The following PCDH9 variants were observed in gnomAD, a reference collection of about 807,000 sequenced individuals.
PCDH9 encodes protocadherin-9.
A neutral mutation model predicts 70.6 loss-of-function variants in PCDH9; 24 were observed. The observed-to-expected ratio is 0.34, with a 90% CI of 0.25 to 0.48. The LOEUF (loss-of-function observed/expected upper bound fraction) is 0.48. Ranked by LOEUF, PCDH9 falls within the 20% of genes least tolerant of loss-of-function variation. The pLI is 0.99. For missense variants in PCDH9, 1,281 were observed against 1,503.6 expected (o/e 0.85, Z 2.45); for synonymous variants, 562 against 558.5 (o/e 1.01, Z -0.09).
chr13:66,650,904 T>A (rs2077842165), intron 3 of PCDH9, among the ~76,000 whole-genome samples: 1 of 151,906 alleles, frequency 6.6e-6, no homozygotes, highest in South Asian at 2.1e-4. Flanking sequence ...TACAAATACA[T>A]GAAAATTAAA....
At chr13:66,919,914 C>T (rs1036429745) in intron 2 of PCDH9, among the ~76,000 whole-genome samples, 1 of 151,000 alleles carries the variant, frequency 6.6e-6, no homozygotes, top group African/African-American at 2.4e-5. Context: ...GGTTTTTAAA[C>T]TATCCTGATG....
At chr13:66,562,780 A>G (rs957648405) in intron 4 of PCDH9, among the ~76,000 whole-genome samples, 2 of 152,112 alleles carry the variant, frequency 1.3e-5, no homozygotes, top group African/African-American at 4.8e-5. Context: ...TGCCTTGAGT[A>G]AGTGGATGGA....
intron 4 of PCDH9, among the ~76,000 whole-genome samples, chr13:66,335,250 A>G (rs1318358018): frequency 6.6e-6 from 1 of 152,146 alleles, no homozygotes; most frequent in Non-Finnish European, 1.5e-5. Flanking sequence ...ACGCTGAAGT[A>G]CAACATTTCT....
chr13:66,511,906 C>A (rs1959491837), intron 4 of PCDH9, among the ~76,000 whole-genome samples: 1 of 152,064 alleles, frequency 6.6e-6, no homozygotes. Context: ...AACTTCTTTT[C>A]TTTATAAATT....
At chr13:66,879,653 T>C (rs1447826377) in intron 3 of PCDH9, among the ~76,000 whole-genome samples, 3 of 152,204 alleles carry the variant, frequency 2.0e-5, no homozygotes, top group Non-Finnish European at 2.9e-5. Flanking sequence ...ACCTTGTTCA[T>C]GTTAAAAATA....
At chr13:66,806,858 C>T (rs1196484996) in intron 3 of PCDH9, among the ~76,000 whole-genome samples, 2 of 152,072 alleles carry the variant, frequency 1.3e-5, no homozygotes, top group Non-Finnish European at 2.9e-5. Flanking sequence ...TAAATAGTAG[C>T]AATTGTTTTG....
chr13:66,730,876 G>GTGTGTTTTTTT (rs1555262846), intron 3 of PCDH9, among the ~76,000 whole-genome samples: 3 of 46,358 alleles, frequency 6.5e-5, no homozygotes, highest in African/African-American at 2.3e-4. Context: ...GTGTGTGTGT[G>GTGTGTTTTTTT]TTTTTTTTTT....
At chr13:67,000,384 T>C (rs1485897890) in intron 2 of PCDH9, among the ~76,000 whole-genome samples, 1 of 150,038 alleles carries the variant, frequency 6.7e-6, no homozygotes, top group Non-Finnish European at 1.5e-5. Context: ...TAATGCTAAA[T>C]GACGAGTTAA....
At chr13:67,059,036 T>A (rs1275378493) in intron 2 of PCDH9, among the ~76,000 whole-genome samples, 1 of 151,956 alleles carries the variant, frequency 6.6e-6, no homozygotes. Context: ...TACATAGCTG[T>A]TCCCTGGGAG....
intron 2 of PCDH9, among the ~76,000 whole-genome samples, chr13:67,027,538 C>T (rs1347963416): frequency 4.0e-5 from 6 of 151,594 alleles, no homozygotes; most frequent in African/African-American, 9.7e-5. Flanking sequence ...ACACCAAAAG[C>T]AATGGCAACA....
chr13:67,226,370 C>CT lies in PCDH9; in HGVS notation c.2070dup (p.Ala691SerfsTer16). ...TCTGCTACCACGGAGCCAGGAATGGCTGAGAGGGGCACCAACTTAAAGGAA... is the reference window on the plus strand; with the variant it reads ...TCTGCTACCACGGAGCCAGGAATGGCTTGAGAGGGGCACCAACTTAAAGGAA... On this transcript the variant is annotated frameshift_variant, in exon 2 of 5. Coordinates refer to ENST00000377865, the MANE Select transcript of PCDH9 (RefSeq NM_203487.3). LOFTEE classifies it high-confidence loss of function. The surrounding 1 kb of genome is among the most constrained non-coding windows in gnomAD (Gnocchi z 5.0). 1 of 1,614,184 alleles carries CT rather than the reference C, an allele frequency of 6.2e-7. No homozygotes were observed. Among genetic ancestry groups the CT allele is most frequent in the Non-Finnish European group, 8.5e-7 (1 of 1,180,028 alleles).
chr13:66,422,167 TAGAGACTTACAA>T (rs1957579161), intron 4 of PCDH9, among the ~76,000 whole-genome samples: 1 of 152,132 alleles, frequency 6.6e-6, no homozygotes, highest in African/African-American at 2.4e-5. Context: ...AGCAAGTTCT[TAGAGACTTACAA>T]AGAGACTTAG....
rs1168242175 is a variant in PCDH9 at position 66,393,407 on chromosome 13, AG to A, written c.3341-88380del. Among the ~76,000 whole-genome samples the A allele has an allele frequency of 2.6e-5, 4 of 152,172 alleles. No individual in the cohort carries two copies. In the East Asian group the frequency reaches 7.7e-4, roughly 29 times the overall value. On this transcript the variant is annotated intron_variant, in intron 4 of 4. Coordinates refer to ENST00000377865, the MANE Select transcript of PCDH9 (RefSeq NM_203487.3). ...AGCTGAGTTGGCACTGTTTCTTCAAAGCTCTACAGGGAAAGAAGCTGGCACA... is the reference window on the plus strand; with the variant it reads ...AGCTGAGTTGGCACTGTTTCTTCAAACTCTACAGGGAAAGAAGCTGGCACA...
rs113676014 is a variant in PCDH9 at position 66,855,827 on chromosome 13, A to C, written c.3138+47677T>G. On this transcript the variant is annotated intron_variant, in intron 3 of 4. Transcript: ENST00000377865. Reference sequence around the variant, plus strand: ...TGTTGGTATTTATATATGAATAAACATAAAAAACTCATATACTATCTACTT... The same window carrying C: ...TGTTGGTATTTATATATGAATAAACCTAAAAAACTCATATACTATCTACTT... 5.3e-5 allele frequency among the ~76,000 whole-genome samples: 8 copies of C among 152,112 alleles called. 2 individuals carry two copies. The highest frequency in any genetic ancestry group is 1.9e-4 in the African/African-American group (8 of 41,560).
At chr13:66,647,674 G>C (rs1260951637) in intron 3 of PCDH9, among the ~76,000 whole-genome samples, 1 of 152,120 alleles carries the variant, frequency 6.6e-6, no homozygotes, top group African/African-American at 2.4e-5. Flanking sequence ...GAAGGTGGGA[G>C]AGAAGAGTAA....
At chr13:66,495,916 G>A (rs557128714) in intron 4 of PCDH9, among the ~76,000 whole-genome samples, 5 of 152,150 alleles carry the variant, frequency 3.3e-5, no homozygotes, top group Non-Finnish European at 7.3e-5. Context: ...TTGTGACTGA[G>A]TTTCCTCTTC....
rs180833987 is a variant in PCDH9, at chr13:66,789,890, T to G, written c.3138+113614A>C. 2.7e-3 allele frequency among the ~76,000 whole-genome samples: 415 copies of G among 152,298 alleles called. 1 individual carries two copies. Among genetic ancestry groups the G allele is most frequent in the African/African-American group, 9.0e-3 (374 of 41,576 alleles). ...ACAAATAAGTGAGCAGTGTACAAACTGTTCTATTCTTCAGCAAAAAATTCT... is the reference window on the plus strand; with the variant it reads ...ACAAATAAGTGAGCAGTGTACAAACGGTTCTATTCTTCAGCAAAAAATTCT... On this transcript the variant is annotated intron_variant, in intron 3 of 4. Coordinates refer to ENST00000377865, the MANE Select transcript of PCDH9 (RefSeq NM_203487.3).
intron 4 of PCDH9, among the ~76,000 whole-genome samples, chr13:66,499,751 A>G (rs1471061587): frequency 6.6e-6 from 1 of 152,232 alleles, no homozygotes; most frequent in Admixed American, 6.6e-5. Flanking sequence ...TGTAATCCCC[A>G]GTGCTGCAGA....
intron 3 of PCDH9, among the ~76,000 whole-genome samples, chr13:66,800,311 TC>T (rs1397134921): frequency 2.6e-5 from 4 of 152,090 alleles, no homozygotes; most frequent in African/African-American, 9.7e-5. Context: ...CCTCATTTCA[TC>T]CAAGTCTTTG....
Sources: allele counts gnomAD v4.1 joint callset (sites outside exome capture counted in the v4.1 genomes callset), GRCh38; gene constraint gnomAD v4.1.1; non-coding constraint Gnocchi (gnomAD v3.1); transcripts MANE v1.5; gene names NCBI Gene and HGNC (gene_info 2026-07-23, HGNC 2026-07-21).